Variants in LYPLAL1 observed in about 807,000 individuals in gnomAD.
LYPLAL1 encodes lysophospholipase like 1, also known as lysophospholipase-like protein 1.
A neutral mutation model predicts 19.7 loss-of-function variants in LYPLAL1; 23 were observed. The observed-to-expected ratio is 1.17, with a 90% confidence interval of 0.84 to 1.65. LYPLAL1 has a LOEUF of 1.65. Among genes scored for constraint, LYPLAL1 ranks in the 40% most tolerant of loss-of-function variants. The pLI is 0.00. For missense variants in LYPLAL1, 355 were observed against 279.4 expected, an observed-to-expected ratio of 1.27 and a Z score of -1.93; for synonymous variants, 119 against 96.3, an observed-to-expected ratio of 1.24 and a Z score of -1.38.
chr1:219,403,523 C>A, the LYPLAL1 span, among the ~76,000 whole-genome samples: 4 of 152,096 alleles, frequency 2.6e-5, no homozygotes. Flanking sequence ...AAAGACGCGG[C>A]AGGAAGAGAG....
At chr1:219,204,601 C>T (rs1658394741) in intron 3 of LYPLAL1, among the ~76,000 whole-genome samples, 1 of 152,154 alleles carries the variant, frequency 6.6e-6, no homozygotes, top group Non-Finnish European at 1.5e-5. Flanking sequence ...ATTGCCATTA[C>T]ATGTCAGTGT....
the LYPLAL1 span, among the ~76,000 whole-genome samples, chr1:219,287,972 C>T: frequency 6.6e-6 from 1 of 152,202 alleles, no homozygotes; most frequent in Non-Finnish European, 1.5e-5. Flanking sequence ...TTCCTGAGGC[C>T]TCCCAGCCAT....
chr1:219,420,430 A>G, the LYPLAL1 span, among the ~76,000 whole-genome samples: 30 of 152,192 alleles, frequency 2.0e-4, no homozygotes, highest in Non-Finnish European at 3.2e-4. Context: ...TTGTATTGCA[A>G]TATCAAGAAT....
chr1:219,249,106 A>T, the LYPLAL1 span, among the ~76,000 whole-genome samples: 17 of 152,076 alleles, frequency 1.1e-4, no homozygotes, highest in Non-Finnish European at 2.1e-4. Flanking sequence ...TCACAATGAA[A>T]CCATCACGTA....
chr1:219,251,646 T>C, the LYPLAL1 span, among the ~76,000 whole-genome samples: 1 of 152,110 alleles, frequency 6.6e-6, no homozygotes, highest in Non-Finnish European at 1.5e-5. Flanking sequence ...TGTGCCTCTT[T>C]TTGTATCAGT....
the LYPLAL1 span, among the ~76,000 whole-genome samples, chr1:219,433,828 G>T: frequency 6.6e-6 from 1 of 152,194 alleles, no homozygotes; most frequent in Non-Finnish European, 1.5e-5. Context: ...AGTTCAACTG[G>T]TTTTTGTTAT....
At chr1:219,399,262 T>C in the LYPLAL1 span, among the ~76,000 whole-genome samples, 2 of 152,146 alleles carry the variant, frequency 1.3e-5, no homozygotes, top group Admixed American at 6.5e-5. Flanking sequence ...TCTGTGTGCA[T>C]TCTCAGTGTA....
the LYPLAL1 span, among the ~76,000 whole-genome samples, chr1:219,316,692 T>G: frequency 1.3e-5 from 2 of 152,196 alleles, no homozygotes; most frequent in Admixed American, 1.3e-4. Context: ...TATGTACATA[T>G]AGTGGAATAT....
rs1275538256 is a variant in LYPLAL1, at chr1:219,211,550, A to G, written c.536A>G (p.Asp179Gly). The G allele has an allele frequency of 1.1e-5, 17 of 1,613,300 alleles. No individual in the cohort carries two copies. Among genetic ancestry groups the G allele is most frequent in the African/African-American group, 1.3e-5 (1 of 74,898 alleles). Residue 179 changes from aspartate (D) to glycine (G), a missense_variant, in exon 5 of 5, where the codon GAT becomes GGT. Asp to Gly is a moderately conservative substitution (Grantham distance 94). Transcript: ENST00000366928. ...PELFQCHGTA[D>G]ELVLHSWAEE... is the part of the protein sequence containing the mutation. ...TTATTTCAGTGTCATGGTACTGCAG[A>G]TGAGTTAGTTCTTCATTCTTGGGCA...
the LYPLAL1 span, among the ~76,000 whole-genome samples, chr1:219,414,251 T>A: frequency 6.6e-6 from 1 of 152,226 alleles, no homozygotes; most frequent in African/African-American, 2.4e-5. Flanking sequence ...TATCTCTTTA[T>A]GGGTACCCAA....
chr1:219,185,311 T>G (rs1036294301), intron 2 of LYPLAL1, among the ~76,000 whole-genome samples: 1 of 151,864 alleles, frequency 6.6e-6, no homozygotes, highest in African/African-American at 2.4e-5. Context: ...ACCAAGAAGT[T>G]ACCAATTGTA....
At chr1:219,341,946 G>A in the LYPLAL1 span, among the ~76,000 whole-genome samples, 1 of 152,074 alleles carries the variant, frequency 6.6e-6, no homozygotes, top group East Asian at 1.9e-4. Flanking sequence ...ATTAAGGTCA[G>A]GCTGGGGAAG....
At chr1:219,209,706 G>T (rs1338188943) in intron 3 of LYPLAL1, among the ~76,000 whole-genome samples, 1 of 152,018 alleles carries the variant, frequency 6.6e-6, no homozygotes. Flanking sequence ...TCAAGCTTAG[G>T]AATGTCACAC....
At chr1:219,278,496 G>C in the LYPLAL1 span, among the ~76,000 whole-genome samples, 1 of 152,160 alleles carries the variant, frequency 6.6e-6, no homozygotes, top group Non-Finnish European at 1.5e-5. Context: ...ATCCAAAAAG[G>C]ATATGGAACT....
the LYPLAL1 span, among the ~76,000 whole-genome samples, chr1:219,376,923 G>C: frequency 1.1e-4 from 17 of 152,110 alleles, no homozygotes; most frequent in Non-Finnish European, 2.4e-4. Context: ...ACAGTATGGT[G>C]GTTCCTCAAA....
At chr1:219,390,881 C>A in the LYPLAL1 span, among the ~76,000 whole-genome samples, 1 of 152,112 alleles carries the variant, frequency 6.6e-6, no homozygotes, top group African/African-American at 2.4e-5. Context: ...CTAAGACTTG[C>A]ACTTATATTA....
intron 1 of LYPLAL1, among the ~76,000 whole-genome samples, chr1:219,177,258 T>G (rs1310009519): frequency 6.6e-6 from 1 of 152,140 alleles, no homozygotes; most frequent in Non-Finnish European, 1.5e-5. Context: ...ATCCAGGTAG[T>G]GTAGGGCAGG....
At chr1:219,285,278 T>C in the LYPLAL1 span, among the ~76,000 whole-genome samples, 3 of 152,234 alleles carry the variant, frequency 2.0e-5, no homozygotes, top group African/African-American at 7.2e-5. Flanking sequence ...CTGTTTTGAC[T>C]AATGAAAATT....
the LYPLAL1 span, among the ~76,000 whole-genome samples, chr1:219,433,936 T>G: frequency 6.6e-6 from 1 of 152,206 alleles, no homozygotes. Context: ...TTAAATCAAT[T>G]ATTCACACCT....
Sources: gnomAD v4.1 joint callset for allele counts (sites outside exome capture counted in the v4.1 genomes callset) on GRCh38, gnomAD v4.1.1 for gene constraint, MANE v1.5 for transcripts, NCBI Gene and HGNC (gene_info 2026-07-23, HGNC 2026-07-21) for gene names.